The following PARD3B variants were observed in gnomAD, a reference collection of about 807,000 sequenced individuals.
PARD3B encodes par-3 family cell polarity regulator beta.
PARD3B carries 103 observed loss-of-function variants against 130.2 expected under a neutral mutation model. That is an observed-to-expected ratio of 0.79 (90% CI 0.67 to 0.93). The LOEUF is 0.93. Among genes scored for constraint, PARD3B ranks in the 40% least tolerant of loss-of-function variants. The probability of loss-of-function intolerance (pLI) is 0.00; values close to 1 mark genes in which losing one functional copy is unlikely to be tolerated. For missense variants in PARD3B, 1,609 were observed against 1,499.2 expected, an observed-to-expected ratio of 1.07 and a Z score of -1.21; for synonymous variants, 583 against 553.2, an observed-to-expected ratio of 1.05 and a Z score of -0.76.
chr2:204,796,463 G>C (rs2042380028), intron 2 of PARD3B, among the ~76,000 whole-genome samples: 1 of 152,206 alleles, frequency 6.6e-6, no homozygotes, highest in South Asian at 2.1e-4. Context: ...CCTGGGCCAA[G>C]AGGCAAAGAA....
At chr2:204,705,823 G>C (rs911662714) in intron 2 of PARD3B, among the ~76,000 whole-genome samples, 3 of 152,130 alleles carry the variant, frequency 2.0e-5, no homozygotes, top group South Asian at 2.1e-4. Context: ...AAGTTTGACC[G>C]AACGCTAGCC....
chr2:205,570,732 C>T (rs536191060), intron 22 of PARD3B, among the ~76,000 whole-genome samples: 6 of 152,274 alleles, frequency 3.9e-5, no homozygotes, highest in South Asian at 2.1e-4. Flanking sequence ...AGAGACCAGA[C>T]GTATGTGTTC....
chr2:204,873,030 T>G (rs1391729288), intron 2 of PARD3B, among the ~76,000 whole-genome samples: 1 of 152,190 alleles, frequency 6.6e-6, no homozygotes, highest in Non-Finnish European at 1.5e-5. Flanking sequence ...ATTTTACTAA[T>G]CTAGCTATTA....
At position 205,575,591 on chromosome 2, in the gene PARD3B, T is replaced by C. The variant is rs1308929998; in HGVS notation, c.3260+22188T>C. Among the ~76,000 whole-genome samples, 2 of 152,228 alleles carry C rather than the reference T, an allele frequency of 1.3e-5. No individual in the cohort carries two copies. The highest frequency in any genetic ancestry group is 2.9e-5 in the Non-Finnish European group (2 of 68,032). Reference sequence around the variant, plus strand: ...GATCTTTTTGCTGTCTTCATAGTTCTAACTTTTAGTATGTCATATGCTTGG... The same window carrying C: ...GATCTTTTTGCTGTCTTCATAGTTCCAACTTTTAGTATGTCATATGCTTGG... On this transcript the variant is annotated intron_variant, in intron 22 of 22. Coordinates refer to ENST00000406610, the MANE Select transcript of PARD3B (RefSeq NM_001302769.2). This position sits in a 1 kb window ranked among gnomAD's most constrained non-coding sequence, Gnocchi z 4.6.
chr2:204,552,001 A>G (rs73057246), intron 1 of PARD3B, among the ~76,000 whole-genome samples: 16,449 of 152,306 alleles, frequency 0.11, 1,004 homozygotes, highest in South Asian at 0.22. Flanking sequence ...GTTGTTAAGT[A>G]GTTGAAATGT....
chr2:204,750,700 G>A (rs1160810266), intron 2 of PARD3B, among the ~76,000 whole-genome samples: 1 of 152,100 alleles, frequency 6.6e-6, no homozygotes, highest in Non-Finnish European at 1.5e-5. Context: ...AGTAAAGGGG[G>A]TGGGGCTATA....
At chr2:204,724,956 G>T (rs975831644) in intron 2 of PARD3B, among the ~76,000 whole-genome samples, 1 of 152,108 alleles carries the variant, frequency 6.6e-6, no homozygotes, top group Non-Finnish European at 1.5e-5. Flanking sequence ...TGACTGGGCC[G>T]CTAGGCAGGG....
chr2:205,098,989 G>A (rs1702574537), intron 4 of PARD3B, among the ~76,000 whole-genome samples: 1 of 152,114 alleles, frequency 6.6e-6, no homozygotes, highest in Admixed American at 6.6e-5. Context: ...TGTCTGTTGT[G>A]AGAGCTACAT....
intron 1 of PARD3B, among the ~76,000 whole-genome samples, chr2:204,617,338 C>A (rs1378889008): frequency 1.3e-5 from 2 of 152,084 alleles, no homozygotes; most frequent in Non-Finnish European, 2.9e-5. Context: ...TGACTATGAC[C>A]CTTTACTTTG....
Position 204,937,155 on chromosome 2 carries a change from G to A in PARD3B, c.223-27997G>A, listed in dbSNP as rs60641947. 4.7e-3 allele frequency among the ~76,000 whole-genome samples: 718 copies of A among 152,330 alleles called. 4 individuals are homozygous for A. Among genetic ancestry groups the A allele is most frequent in the African/African-American group, 0.016 (679 of 41,574 alleles). On this transcript the variant is annotated intron_variant, in intron 2 of 22. Coordinates refer to ENST00000406610, the MANE Select transcript of PARD3B (RefSeq NM_001302769.2). ...TTGACCTCGGATGATGCCAGGACCA[G>A]GGTAGAGAGAAAGACTGAGACTTGC...
Position 205,339,516 on chromosome 2 carries a change from A to C in PARD3B, c.2630+37815A>C, listed in dbSNP as rs553917460. On this transcript the variant is annotated intron_variant, in intron 18 of 22. Transcript: ENST00000406610. The stretch of plus-strand genomic sequence containing the variant: ...GAACCCACCTCAAGCTTACTGAATT[A>C]GAATTTGACAATTGGTTTTAACTAG... Among the ~76,000 whole-genome samples, 81 of 152,360 alleles carry C rather than the reference A, an allele frequency of 5.3e-4. 2 individuals are homozygous for C. The South Asian group carries it at 0.012, about 23-fold the overall frequency.
intron 21 of PARD3B, among the ~76,000 whole-genome samples, chr2:205,529,908 G>A (rs963668699): frequency 2.6e-5 from 4 of 152,220 alleles, no homozygotes; most frequent in Admixed American, 6.5e-5. Context: ...GTCCATGCCC[G>A]TGGGCTCTGG....
chr2:205,113,945 A>G (rs940117880), intron 6 of PARD3B, among the ~76,000 whole-genome samples: 4 of 152,146 alleles, frequency 2.6e-5, no homozygotes, highest in Non-Finnish European at 4.4e-5. Flanking sequence ...AGTGAGTATA[A>G]TAATTCCAAA....
intron 18 of PARD3B, among the ~76,000 whole-genome samples, chr2:205,388,146 G>T (rs1395235239): frequency 6.6e-6 from 1 of 152,216 alleles, no homozygotes; most frequent in Non-Finnish European, 1.5e-5. Flanking sequence ...TCAGACCTCT[G>T]GTTGATTTAA....
intron 4 of PARD3B, among the ~76,000 whole-genome samples, chr2:205,094,355 G>A (rs1702281707): frequency 6.6e-6 from 1 of 152,154 alleles, no homozygotes; most frequent in African/African-American, 2.4e-5. Context: ...GGTGAGAAGA[G>A]GGTGAAATGC....
In PARD3B at chr2:205,249,120, C is replaced by CT. The variant is rs1424467921; in HGVS notation, c.2185+3299dup. ...TGCCTCCCAGATTCAAGCAATTCTC[C>CT]TGCCTCAGCCTCCTGAGTAGCTGGG... On this transcript the variant is annotated intron_variant, in intron 16 of 22. Transcript: ENST00000406610. Among the ~76,000 whole-genome samples the CT allele has an allele frequency of 8.7e-5, 13 of 150,092 alleles. 1 individual carries two copies. Among genetic ancestry groups the CT allele is most frequent in the Admixed American group, 6.6e-5 (1 of 15,060 alleles).
At chr2:205,073,933 G>A (rs1327446107) in intron 4 of PARD3B, among the ~76,000 whole-genome samples, 2 of 152,120 alleles carry the variant, frequency 1.3e-5, no homozygotes, top group Non-Finnish European at 2.9e-5. Flanking sequence ...ACATACATGT[G>A]AACAACCTAG....
intron 2 of PARD3B, among the ~76,000 whole-genome samples, chr2:204,747,897 A>G (rs2040307668): frequency 1.3e-5 from 2 of 152,168 alleles, no homozygotes; most frequent in Admixed American, 1.3e-4. Context: ...TACTAGGCTT[A>G]GGCTGTAAAA....
intron 18 of PARD3B, 40 bp from the exon 19 acceptor site, chr2:205,400,973 G>T: frequency 7.0e-7 from 1 of 1,430,542 alleles, no homozygotes; most frequent in Non-Finnish European, 9.7e-7. Context: ...CAAAAACAAT[G>T]TGATTATTGT....
Sources: allele counts gnomAD v4.1 joint callset (sites outside exome capture counted in the v4.1 genomes callset), GRCh38; gene constraint gnomAD v4.1.1; non-coding constraint Gnocchi (gnomAD v3.1); transcripts MANE v1.5; gene names NCBI Gene and HGNC (gene_info 2026-07-23, HGNC 2026-07-21).